The following LYPLAL1 variants were observed in gnomAD, a reference collection of about 807,000 sequenced individuals.
The protein encoded by LYPLAL1 is lysophospholipase like 1.
LYPLAL1 carries 23 observed loss-of-function variants against 19.7 expected under a neutral mutation model. The observed-to-expected ratio is 1.17, with a 90% CI of 0.84 to 1.65. The LOEUF (loss-of-function observed/expected upper bound fraction) is 1.65, where lower values mean the gene tolerates loss of function less well. LYPLAL1 is among the 40% of genes most tolerant of loss of function. The probability of loss-of-function intolerance (pLI) is 0.00; values close to 1 mark genes in which losing one functional copy is unlikely to be tolerated. For missense variants in LYPLAL1, 355 were observed against 279.4 expected (o/e 1.27, Z -1.93); for synonymous variants, 119 against 96.3 (o/e 1.24, Z -1.38).
At chr1:219,316,989 A>G in the LYPLAL1 span, among the ~76,000 whole-genome samples, 1 of 152,218 alleles carries the variant, frequency 6.6e-6, no homozygotes, top group Non-Finnish European at 1.5e-5. Flanking sequence ...GCACAACATT[A>G]CTAATGTATT....
the LYPLAL1 span, among the ~76,000 whole-genome samples, chr1:219,402,000 G>T: frequency 1.3e-5 from 2 of 152,082 alleles, no homozygotes; most frequent in Non-Finnish European, 2.9e-5. Flanking sequence ...GCCTCCTATT[G>T]CATAGAGAGG....
At chr1:219,263,858 T>G in the LYPLAL1 span, among the ~76,000 whole-genome samples, 1 of 152,214 alleles carries the variant, frequency 6.6e-6, no homozygotes, top group Non-Finnish European at 1.5e-5. Context: ...TTTCATACTT[T>G]GGGAACTCAC....
chr1:219,344,564 C>A, the LYPLAL1 span, among the ~76,000 whole-genome samples: 1 of 152,128 alleles, frequency 6.6e-6, no homozygotes, highest in Non-Finnish European at 1.5e-5. Flanking sequence ...TATCAACAGC[C>A]TTAACATTTT....
intron 3 of LYPLAL1, among the ~76,000 whole-genome samples, chr1:219,201,419 C>T (rs1658088772): frequency 6.6e-6 from 1 of 151,468 alleles, no homozygotes; most frequent in African/African-American, 2.4e-5. Context: ...ACCAAGAGAA[C>T]CTTGTTAAAA....
the LYPLAL1 span, among the ~76,000 whole-genome samples, chr1:219,327,105 AAAAC>A: frequency 6.6e-6 from 1 of 152,142 alleles, no homozygotes; most frequent in Non-Finnish European, 1.5e-5. Flanking sequence ...TCAAAAAACA[AAAAC>A]AAACAAACAA....
At chr1:219,288,834 CATGTTTTA>C in the LYPLAL1 span, among the ~76,000 whole-genome samples, 69,235 of 151,726 alleles carry the variant, frequency 0.46, 16,196 homozygotes, top group East Asian at 0.69. Context: ...ACTTGTCTTA[CATGTTTTA>C]AAATTGTACT....
chr1:219,274,862 C>T, the LYPLAL1 span, among the ~76,000 whole-genome samples: 1 of 152,090 alleles, frequency 6.6e-6, no homozygotes, highest in Non-Finnish European at 1.5e-5. Flanking sequence ...ATGCCCTCCT[C>T]TTATAGGAGG....
the LYPLAL1 span, among the ~76,000 whole-genome samples, chr1:219,359,149 A>C: frequency 6.6e-6 from 1 of 152,156 alleles, no homozygotes; most frequent in East Asian, 1.9e-4. Context: ...GGCAATTAAA[A>C]TCACTCTTAA....
At chr1:219,317,966 G>A in the LYPLAL1 span, among the ~76,000 whole-genome samples, 2 of 152,276 alleles carry the variant, frequency 1.3e-5, no homozygotes, top group African/African-American at 4.8e-5. Flanking sequence ...GCAGCAAGAA[G>A]CAAAAGCAAT....
chr1:219,407,031 T>C, the LYPLAL1 span, among the ~76,000 whole-genome samples: 3 of 152,214 alleles, frequency 2.0e-5, no homozygotes, highest in African/African-American at 7.2e-5. Flanking sequence ...TCCTTAATGA[T>C]GTTGTTTCAC....
the LYPLAL1 span, among the ~76,000 whole-genome samples, chr1:219,368,408 G>T: frequency 1.3e-5 from 2 of 152,136 alleles, no homozygotes; most frequent in East Asian, 3.9e-4. Context: ...ACAGTTTCCT[G>T]TATCTCCTTG....
chr1:219,321,217 C>T, the LYPLAL1 span, among the ~76,000 whole-genome samples: 1 of 152,168 alleles, frequency 6.6e-6, no homozygotes, highest in South Asian at 2.1e-4. Flanking sequence ...TTTCATGTGT[C>T]TGTTGGCTGC....
the LYPLAL1 span, among the ~76,000 whole-genome samples, chr1:219,360,457 C>A: frequency 6.6e-6 from 1 of 152,168 alleles, no homozygotes; most frequent in Non-Finnish European, 1.5e-5. Context: ...TGACAAAGAT[C>A]TGCCTCCCAT....
the LYPLAL1 span, among the ~76,000 whole-genome samples, chr1:219,423,622 C>T: frequency 6.6e-6 from 1 of 152,122 alleles, no homozygotes; most frequent in African/African-American, 2.4e-5. Context: ...ACTAGGTATA[C>T]ATTAATGATA....
the LYPLAL1 span, among the ~76,000 whole-genome samples, chr1:219,383,871 C>T: frequency 2.6e-5 from 4 of 152,098 alleles, no homozygotes; most frequent in African/African-American, 7.2e-5. Flanking sequence ...CAGCTTTGGA[C>T]GTTACTGAAA....
At chr1:219,181,685 G>A (rs1382962520) in intron 2 of LYPLAL1, among the ~76,000 whole-genome samples, 1 of 152,062 alleles carries the variant, frequency 6.6e-6, no homozygotes, top group African/African-American at 2.4e-5. Context: ...GTTAGATATA[G>A]GAATACATGG....
chr1:219,371,687 G>C, the LYPLAL1 span, among the ~76,000 whole-genome samples: 14 of 152,160 alleles, frequency 9.2e-5, no homozygotes, highest in Non-Finnish European at 1.8e-4. Context: ...CTCAAACTAG[G>C]TCCAAAGAAG....
chr1:219,414,215 TA>T, the LYPLAL1 span, among the ~76,000 whole-genome samples: 1 of 152,212 alleles, frequency 6.6e-6, no homozygotes, highest in Non-Finnish European at 1.5e-5. Context: ...CATTTTGCAA[TA>T]AATGCCAGCA....
chr1:219,258,840 A>C, the LYPLAL1 span, among the ~76,000 whole-genome samples: 4 of 152,160 alleles, frequency 2.6e-5, no homozygotes, highest in South Asian at 2.1e-4. Flanking sequence ...GATAACCCAC[A>C]GAGTGGGAGA....
Sources: gnomAD v4.1 joint callset for allele counts (sites outside exome capture counted in the v4.1 genomes callset) on GRCh38, gnomAD v4.1.1 for gene constraint, MANE v1.5 for transcripts, NCBI Gene and HGNC (gene_info 2026-07-23, HGNC 2026-07-21) for gene names.